CDH12: variants seen among roughly 807,000 people sequenced by gnomAD.
The protein encoded by CDH12 is cadherin 12.
CDH12 carries 41 observed loss-of-function variants against 74.1 expected under a neutral mutation model. The ratio of observed to expected loss-of-function variants is 0.55; its 90% CI spans 0.43 to 0.72. The LOEUF is 0.72. Among genes scored for constraint, CDH12 ranks in the 30% least tolerant of loss-of-function variants. The pLI, the probability that CDH12 is intolerant of heterozygous loss-of-function variation, is 0.00. For missense variants in CDH12, 945 were observed against 977.2 expected (o/e 0.97, Z 0.44); for synonymous variants, 399 against 355.0 (o/e 1.12, Z -1.39).
chr5:22,424,741 T>C (rs1289197507), intron 2 of CDH12, among the ~76,000 whole-genome samples: 1 of 152,184 alleles, frequency 6.6e-6, no homozygotes, highest in Non-Finnish European at 1.5e-5. Context: ...CTACCTTATA[T>C]AGTCTTACTC....
chr5:22,756,544 T>G (rs548946712), intron 1 of CDH12, among the ~76,000 whole-genome samples: 1 of 152,264 alleles, frequency 6.6e-6, no homozygotes, highest in African/African-American at 2.4e-5. Flanking sequence ...AAATCACAAT[T>G]TACCCTCATT....
intron 2 of CDH12, among the ~76,000 whole-genome samples, chr5:22,429,863 T>C (rs1405569466): frequency 6.6e-6 from 1 of 152,192 alleles, no homozygotes; most frequent in African/African-American, 2.4e-5. Flanking sequence ...GTATAATTAA[T>C]TGGCCTATTC....
At chr5:22,274,345 C>A (rs1736528510) in intron 3 of CDH12, among the ~76,000 whole-genome samples, 3 of 152,134 alleles carry the variant, frequency 2.0e-5, no homozygotes, top group South Asian at 4.1e-4. Flanking sequence ...TTCAATTTCA[C>A]TGAAAATTTT....
At chr5:22,653,509 ATAT>A (rs1739849998) in intron 1 of CDH12, among the ~76,000 whole-genome samples, 1 of 151,958 alleles carries the variant, frequency 6.6e-6, no homozygotes, top group Non-Finnish European at 1.5e-5. Context: ...AAATGCCACA[ATAT>A]ATCTACCAGT....
chr5:22,792,482 C>G (rs1312902290), intron 1 of CDH12, among the ~76,000 whole-genome samples: 1 of 152,164 alleles, frequency 6.6e-6, no homozygotes, highest in Admixed American at 6.5e-5. Context: ...AACTTCTTAT[C>G]AGTTTTAGTT....
rs1313784119 is a variant in CDH12 at position 22,050,976 on chromosome 5, G to T, written c.231+27470C>A. ...AAAATCTGATTCACAAGGATCTCCT[G>T]GTTAAAAATGTAGATTCCCACATCC... On this transcript the variant is annotated intron_variant, in intron 5 of 14. Coordinates refer to ENST00000382254, the MANE Select transcript of CDH12 (RefSeq NM_004061.5). Among the ~76,000 whole-genome samples the T allele has an allele frequency of 2.0e-5, 3 of 152,080 alleles. 1 individual carries two copies. Among genetic ancestry groups the T allele is most frequent in the Non-Finnish European group, 2.9e-5 (2 of 68,004 alleles).
At chr5:22,720,625 A>G (rs143716991) in intron 1 of CDH12, among the ~76,000 whole-genome samples, 1 of 152,214 alleles carries the variant, frequency 6.6e-6, no homozygotes, top group East Asian at 1.9e-4. Flanking sequence ...GGAAGTTTGG[A>G]ACTTCCTAGG....
intron 11 of CDH12, among the ~76,000 whole-genome samples, chr5:21,767,296 T>C (rs1745080107): frequency 6.6e-6 from 1 of 151,696 alleles, no homozygotes; most frequent in Non-Finnish European, 1.5e-5. Flanking sequence ...ACAGGAGTTT[T>C]CCTAGAGATT....
chr5:22,663,456 C>T lies in CDH12; in HGVS notation c.-522-158092G>A, dbSNP rs1157526499. 3.9e-5 allele frequency among the ~76,000 whole-genome samples: 6 copies of T among 152,130 alleles called. No individual in the cohort carries two copies. The East Asian group carries it at 1.2e-3, about 29-fold the overall frequency. On this transcript the variant is annotated intron_variant, in intron 1 of 14. Coordinates refer to ENST00000382254, the MANE Select transcript of CDH12 (RefSeq NM_004061.5). Reference sequence around the variant, plus strand: ...CACACATCATTATTTTTGCAGTTTACTTTCATATTGCTGAATATTGTTTAT... The same window carrying T: ...CACACATCATTATTTTTGCAGTTTATTTTCATATTGCTGAATATTGTTTAT...
chr5:22,058,088 G>T (rs559291123), intron 5 of CDH12, among the ~76,000 whole-genome samples: 36 of 151,068 alleles, frequency 2.4e-4, no homozygotes, highest in African/African-American at 8.5e-4. Flanking sequence ...ATGGAGTCTT[G>T]CTCTGTCGCC....
chr5:22,802,300 T>C (rs1279415502), intron 1 of CDH12, among the ~76,000 whole-genome samples: 1 of 151,868 alleles, frequency 6.6e-6, no homozygotes. Flanking sequence ...TTTTGTATTT[T>C]TAGTAGAGAT....
intron 3 of CDH12, among the ~76,000 whole-genome samples, chr5:22,376,641 T>C (rs1741536147): frequency 6.6e-6 from 1 of 151,370 alleles, no homozygotes; most frequent in Non-Finnish European, 1.5e-5. Context: ...CTCAGCCTTA[T>C]GAATAGCTGG....
intron 4 of CDH12, among the ~76,000 whole-genome samples, chr5:22,190,627 C>T (rs577000428): frequency 6.6e-6 from 1 of 152,284 alleles, no homozygotes; most frequent in South Asian, 2.1e-4. Flanking sequence ...GTGAGTTCCT[C>T]CTCTTATCTC....
intron 6 of CDH12, among the ~76,000 whole-genome samples, chr5:21,917,048 C>T (rs965371217): frequency 3.9e-5 from 6 of 152,254 alleles, no homozygotes; most frequent in Non-Finnish European, 8.8e-5. Context: ...TACACCTTTC[C>T]CTCCTCTCCC....
At chr5:21,786,978 T>G (rs904757456) in intron 10 of CDH12, among the ~76,000 whole-genome samples, 1 of 152,150 alleles carries the variant, frequency 6.6e-6, no homozygotes, top group African/African-American at 2.4e-5. Context: ...TGCTGCAATT[T>G]CATGATAAAA....
At chr5:22,139,444 C>T (rs1746664632) in intron 4 of CDH12, 1 of 114,556 alleles carries the variant, frequency 8.7e-6, no homozygotes, top group Admixed American at 8.9e-5. Context: ...CACTCTGTCA[C>T]TTTCATCTAT....
chr5:21,792,076 TTACTC>T (rs1323766934), intron 10 of CDH12, among the ~76,000 whole-genome samples: 1 of 151,974 alleles, frequency 6.6e-6, no homozygotes, highest in African/African-American at 2.4e-5. Context: ...CAAACTGTCT[TTACTC>T]TTATCTCTTC....
chr5:22,355,951 C>A (rs1373572143), intron 3 of CDH12, among the ~76,000 whole-genome samples: 1 of 152,086 alleles, frequency 6.6e-6, no homozygotes. Context: ...AAGAATGGTC[C>A]ATTTGCATAT....
chr5:22,207,530 C>G (rs1380937030), intron 4 of CDH12, among the ~76,000 whole-genome samples: 1 of 152,148 alleles, frequency 6.6e-6, no homozygotes, highest in Non-Finnish European at 1.5e-5. Flanking sequence ...CCCTGTAATA[C>G]CAAGTTAGAT....
Sources: gnomAD v4.1 joint callset for allele counts (sites outside exome capture counted in the v4.1 genomes callset) on GRCh38, gnomAD v4.1.1 for gene constraint, MANE v1.5 for transcripts, NCBI Gene and HGNC (gene_info 2026-07-23, HGNC 2026-07-21) for gene names.